The following ANTXRL variants were observed in gnomAD, a reference collection of about 807,000 sequenced individuals.
ANTXRL encodes anthrax toxin receptor-like.
ANTXRL carries 63 observed loss-of-function variants against 75.4 expected under a neutral mutation model. The ratio of observed to expected loss-of-function variants is 0.84; its 90% CI spans 0.68 to 1.03. The LOEUF is 1.03. Ranked by LOEUF, ANTXRL falls within the 50% of genes least tolerant of loss-of-function variation. The pLI is 0.00. For missense variants in ANTXRL, 797 were observed against 789.4 expected (o/e 1.01, Z -0.12); for synonymous variants, 335 against 291.3 (o/e 1.15, Z -1.53).
chr10:46,308,355 T>C, intron 12 of ANTXRL: 1 of 412,910 alleles, frequency 2.4e-6, no homozygotes, highest in Non-Finnish European at 4.8e-6. Context: ...GCCTCAGTGG[T>C]TCCTCTCCTT....
rs186531583 is a variant in ANTXRL, at chr10:46,326,727, C to A, written c.1411-2872C>A. On this transcript the variant is annotated intron_variant, in intron 16 of 16. Coordinates refer to ENST00000620264, the MANE Select transcript of ANTXRL (RefSeq NM_001278688.3). ...CAGCACATCCTGATGGAGTGACCTG[C>A]ACTCTGGGTCCAGTCGGCTTGTGGT... Among the ~76,000 whole-genome samples, 55 of 152,198 alleles carry A rather than the reference C, an allele frequency of 3.6e-4. No individual in the cohort carries two copies. In the East Asian group the frequency reaches 7.2e-3, roughly 20 times the overall value.
intron 10 of ANTXRL, among the ~76,000 whole-genome samples, chr10:46,304,628 T>C (rs1837961344): frequency 6.6e-6 from 1 of 152,218 alleles, no homozygotes; most frequent in Non-Finnish European, 1.5e-5. Context: ...TAGCCTTTCT[T>C]AGCCCTATTT....
At chr10:46,314,655 A>G (rs186306558) in intron 16 of ANTXRL, among the ~76,000 whole-genome samples, 2 of 152,228 alleles carry the variant, frequency 1.3e-5, no homozygotes, top group African/African-American at 4.8e-5. Context: ...GGTGGGGGGC[A>G]GAGTAATTGC....
In ANTXRL at chr10:46,319,400, A is replaced by G. The variant is rs371921472; in HGVS notation, c.1410+6084A>G. Among the ~76,000 whole-genome samples, 5 of 152,264 alleles carry G rather than the reference A, an allele frequency of 3.3e-5. No homozygotes were observed. In the East Asian group the frequency reaches 5.8e-4, roughly 18 times the overall value. ...TATGCTCAATGGATGGTTGCATACA[A>G]CACATCGAAGATTTTAGAGGGTTCA... On this transcript the variant is annotated intron_variant, in intron 16 of 16. Transcript: ENST00000620264.
intron 10 of ANTXRL, among the ~76,000 whole-genome samples, chr10:46,305,790 A>G (rs1475723428): frequency 4.6e-5 from 7 of 152,086 alleles, no homozygotes; most frequent in Non-Finnish European, 5.9e-5. Context: ...TTGGAAAACA[A>G]AATTACAGAC....
chr10:46,328,577 G>A (rs1414387377), intron 16 of ANTXRL, among the ~76,000 whole-genome samples: 1 of 152,022 alleles, frequency 6.6e-6, no homozygotes, highest in Admixed American at 6.6e-5. Context: ...TGCTCAGCAA[G>A]GGAGACTGGG....
At chr10:46,294,001 C>T (rs1345855517) in intron 3 of ANTXRL, 101 bp downstream of exon 3, 6 of 1,153,282 alleles carry the variant, frequency 5.2e-6, no homozygotes, top group Middle Eastern at 2.1e-4. Context: ...GGGAGCCTGA[C>T]AGCACACAGG....
intron 12 of ANTXRL, 59 bp from the exon 13 acceptor site, chr10:46,309,054 T>C: frequency 1.3e-6 from 2 of 1,534,132 alleles, no homozygotes; most frequent in East Asian, 2.4e-5. Context: ...GGCCACCAAG[T>C]GGTGGGCACG....
At chr10:46,300,763 C>G (rs550195582) in intron 9 of ANTXRL, among the ~76,000 whole-genome samples, 1 of 152,304 alleles carries the variant, frequency 6.6e-6, no homozygotes, top group South Asian at 2.1e-4. Flanking sequence ...CTTGGTCTGT[C>G]CCTCTCATCA....
At position 46,293,158 on chromosome 10, in the gene ANTXRL, G is replaced by A. The variant is rs115364038; in HGVS notation, c.321-671G>A. The A allele has an allele frequency of 2.0e-3, 314 of 153,380 alleles. 1 individual carries two copies. Among genetic ancestry groups the A allele is most frequent in the African/African-American group, 6.6e-3 (269 of 41,024 alleles). The allele number at this position is 153,380 out of a possible 1,614,324, so 9.5% of individuals were successfully genotyped here. A position where few individuals can be genotyped will look rare whatever the true frequency, so the allele number is the denominator to read the frequency against. ...GCCTGAGTGTGGGTGCCGTGTGTGC[G>A]TGTTCATATGAGTGTGTGCATGTTC... On this transcript the variant is annotated intron_variant, in intron 2 of 16. Coordinates refer to ENST00000620264, the MANE Select transcript of ANTXRL (RefSeq NM_001278688.3).
At chr10:46,291,146 T>TAGAC in intron 1 of ANTXRL, among the ~76,000 whole-genome samples, 1 of 152,318 alleles carries the variant, frequency 6.6e-6, no homozygotes, top group African/African-American at 2.4e-5. Flanking sequence ...CTTTTGCACA[T>TAGAC]AGACATCCAA....
chr10:46,313,125 TTGTC>T, intron 15 of ANTXRL, 107 bp from the exon 16 acceptor site: 7 of 971,764 alleles, frequency 7.2e-6, no homozygotes, highest in Non-Finnish European at 9.5e-6. Flanking sequence ...GATGGGAGCT[TTGTC>T]TGGGTGTTTT....
At position 46,323,159 on chromosome 10, in the gene ANTXRL, A is replaced by T. The variant is rs555702781; in HGVS notation, c.1411-6440A>T. ...TAGCTATAGGACAGACTTGGGTGAG[A>T]GCAAAAAGCCTGTGGTTTGAGCTGA... On this transcript the variant is annotated intron_variant, in intron 16 of 16. Transcript: ENST00000620264. Among the ~76,000 whole-genome samples, 7 of 152,272 alleles carry T rather than the reference A, an allele frequency of 4.6e-5. No individual in the cohort carries two copies. In the East Asian group the frequency reaches 1.2e-3, roughly 25 times the overall value.
chr10:46,294,886 G>T (rs1801724390), intron 3 of ANTXRL, among the ~76,000 whole-genome samples: 1 of 152,036 alleles, frequency 6.6e-6, no homozygotes, highest in Non-Finnish European at 1.5e-5. Context: ...TGCCCACAGT[G>T]GGAAGCCATC....
chr10:46,320,484 C>G (rs1554965384), intron 16 of ANTXRL, among the ~76,000 whole-genome samples: 1 of 152,140 alleles, frequency 6.6e-6, no homozygotes, highest in African/African-American at 2.4e-5. Context: ...GTAATCCCAA[C>G]ACTTTGGGAG....
intron 16 of ANTXRL, among the ~76,000 whole-genome samples, chr10:46,321,492 T>C (rs1554965586): frequency 6.6e-6 from 1 of 152,056 alleles, no homozygotes; most frequent in African/African-American, 2.4e-5. Flanking sequence ...AGACCCAAGG[T>C]CCAAGGCCCT....
chr10:46,287,171 G>A lies in ANTXRL; in HGVS notation c.-92G>A, dbSNP rs1167781827. The stretch of plus-strand genomic sequence containing the variant: ...GGAGGGGTGTGGCCCCGGGCATAAG[G>A]GGAGGCGGCAAAGAAGGGGCCTGTG... On this transcript the variant is annotated 5_prime_UTR_variant, in exon 1 of 17. Coordinates refer to ENST00000620264, the MANE Select transcript of ANTXRL (RefSeq NM_001278688.3). 6.8e-7 allele frequency: 1 copy of A among 1,461,260 alleles called. No homozygotes were observed. Among genetic ancestry groups the A allele is most frequent in the African/African-American group, 1.4e-5 (1 of 70,410 alleles). The allele number at this position is 1,461,260 out of a possible 1,614,324, so 90.5% of individuals were successfully genotyped here.
chr10:46,307,603 C>T lies in ANTXRL; in HGVS notation c.1044+123C>T, dbSNP rs532254272. The T allele has an allele frequency of 2.0e-5, 19 of 945,278 alleles. No individual in the cohort carries two copies. The South Asian group carries it at 2.8e-4, about 14-fold the overall frequency. 58.6% of individuals were successfully genotyped at this position (945,278 alleles called of 1,614,324 possible). ...CAGAAAGTAGCGTGTGCAGCAGGCA[C>T]CTGAGGCTGCTCCAACCCGGCTTCT... On this transcript the variant is annotated intron_variant, in intron 12 of 16. Transcript: ENST00000620264.
chr10:46,301,000 C>T (rs1388734124), intron 9 of ANTXRL, among the ~76,000 whole-genome samples: 2 of 146,492 alleles, frequency 1.4e-5, no homozygotes, highest in African/African-American at 5.3e-5. Flanking sequence ...CCCCCTCTCT[C>T]TTCATCCATC....
Sources: allele counts gnomAD v4.1 joint callset (sites outside exome capture counted in the v4.1 genomes callset), GRCh38; gene constraint gnomAD v4.1.1; transcripts MANE v1.5; gene names NCBI Gene and HGNC (gene_info 2026-07-23, HGNC 2026-07-21).